Variants in ITGA11 observed in about 807,000 individuals in gnomAD.
ITGA11 encodes integrin alpha-11.
Under a neutral mutation model 141.9 loss-of-function variants are expected in ITGA11, and 97 were observed. The ratio of observed to expected loss-of-function variants is 0.68; its 90% CI spans 0.58 to 0.81. ITGA11 has a LOEUF of 0.81. Among genes scored for constraint, ITGA11 ranks in the 30% least tolerant of loss-of-function variants. The pLI, the probability that ITGA11 is intolerant of heterozygous loss-of-function variation, is 0.00. For synonymous variants in ITGA11, 658 were observed against 624.6 expected (o/e 1.05, Z -0.80); for missense variants, 1,387 against 1,559.2 (o/e 0.89, Z 1.86).
intron 2 of ITGA11, among the ~76,000 whole-genome samples, chr15:68,376,478 G>T (rs7183704): frequency 0.78 from 119,154 of 152,224 alleles, 47,048 homozygotes; most frequent in East Asian, 0.9. Context: ...GATCTTGCTG[G>T]TCAGGTGGGC....
chr15:68,346,857 A>G (rs557468057), intron 10 of ITGA11, among the ~76,000 whole-genome samples: 52 of 152,212 alleles, frequency 3.4e-4, no homozygotes, highest in African/African-American at 1.2e-3. Flanking sequence ...AGACATGTGC[A>G]TGTCTCCCCC....
chr15:68,367,169 G>T (rs1394937685), intron 3 of ITGA11, among the ~76,000 whole-genome samples: 2 of 152,098 alleles, frequency 1.3e-5, no homozygotes, highest in African/African-American at 4.8e-5. Context: ...GCTCAGAAAT[G>T]CTTTCCAGGG....
In ITGA11 at chr15:68,304,749, T is replaced by C. The variant is rs901745079; in HGVS notation, c.3382-864A>G. Among the ~76,000 whole-genome samples, 2 of 152,282 alleles carry C rather than the reference T, an allele frequency of 1.3e-5. No homozygotes were observed. Among genetic ancestry groups the C allele is most frequent in the East Asian group, 3.9e-4 (2 of 5,172 alleles). ...TCCAGCTCTTTCTCACCTAAGCAAA[T>C]GGCAGCACTATCCCTCCGCGCTGCT... On this transcript the variant is annotated intron_variant, in intron 28 of 29. Coordinates refer to ENST00000315757, the MANE Select transcript of ITGA11 (RefSeq NM_001004439.2). This position sits in a 1 kb window ranked among gnomAD's most constrained non-coding sequence, Gnocchi z 6.1.
At chr15:68,394,787 C>T (rs1445184962) in intron 2 of ITGA11, among the ~76,000 whole-genome samples, 2 of 151,952 alleles carry the variant, frequency 1.3e-5, no homozygotes, top group Non-Finnish European at 2.9e-5. Context: ...TAATAGGAGG[C>T]TAATATGAAT....
At chr15:68,386,569 T>C (rs1437630771) in intron 2 of ITGA11, among the ~76,000 whole-genome samples, 1 of 152,254 alleles carries the variant, frequency 6.6e-6, no homozygotes, top group South Asian at 2.1e-4. Context: ...GCTCCCTTTT[T>C]CCCAAGAGAA....
chr15:68,332,772 A>G lies in ITGA11; in HGVS notation c.1426-294T>C, dbSNP rs147016306. 5.9e-5 allele frequency among the ~76,000 whole-genome samples: 9 copies of G among 152,208 alleles called. No individual in the cohort carries two copies. In the East Asian group the frequency reaches 1.7e-3, roughly 29 times the overall value. On this transcript the variant is annotated intron_variant, in intron 12 of 29. Transcript: ENST00000315757. ...GGCCATTTATCTTGTGTGTAAAGTG[A>G]TATAATGGCAAAAAATCAGGAGACT...
chr15:68,420,023 G>C (rs1157410296), intron 1 of ITGA11, among the ~76,000 whole-genome samples: 2 of 152,160 alleles, frequency 1.3e-5, no homozygotes, highest in Non-Finnish European at 2.9e-5. Context: ...TGGGTTTCAT[G>C]TCATCTCCCA....
Position 68,302,108 on chromosome 15 carries a change from G to A in ITGA11, c.*951C>T, listed in dbSNP as rs1367698354. On this transcript the variant is annotated 3_prime_UTR_variant, in exon 30 of 30. Coordinates refer to ENST00000315757, the MANE Select transcript of ITGA11 (RefSeq NM_001004439.2). ...TGTGTGTGTGTGTGTGTGTGTGTGTGTGTGTGTAGGGAGGGGGTGATACAG... is the reference window on the plus strand; with the variant it reads ...TGTGTGTGTGTGTGTGTGTGTGTGTATGTGTGTAGGGAGGGGGTGATACAG... 6.7e-6 allele frequency: 1 copy of A among 148,998 alleles called. No individual in the cohort carries two copies. The highest frequency in any genetic ancestry group is 6.8e-5 in the Admixed American group (1 of 14,732). 9.2% of individuals were successfully genotyped at this position (148,998 alleles called of 1,614,324 possible). A position where few individuals can be genotyped will look rare whatever the true frequency, so the allele number is the denominator to read the frequency against.
intron 1 of ITGA11, among the ~76,000 whole-genome samples, chr15:68,415,541 A>G (rs182858885): frequency 6.6e-6 from 1 of 152,272 alleles, no homozygotes; most frequent in East Asian, 1.9e-4. Flanking sequence ...CTCATTTGGG[A>G]AACAGCACGT....
At chr15:68,316,712 C>A (rs368495231) in intron 21 of ITGA11, among the ~76,000 whole-genome samples, 113 of 152,354 alleles carry the variant, frequency 7.4e-4, no homozygotes, top group African/African-American at 2.6e-3. Context: ...TTCCCAAGTC[C>A]ACGCAGCTTG....
rs764938527 is a variant in ITGA11 at position 68,320,346 on chromosome 15, C to T, written c.2455G>A (p.Ala819Thr). Residue 819 changes from alanine to threonine, a missense_variant, in exon 20 of 30, where the codon GCA becomes ACA. Physicochemically the swap from Ala to Thr is moderately conservative, Grantham distance 58. Coordinates refer to ENST00000315757, the MANE Select transcript of ITGA11 (RefSeq NM_001004439.2). ...GTGGTGTCGAAGGACAGCGTGTATGCGGAGCAGTCCTGCGCAGGCTTCCTC... is the reference window on the plus strand; with the variant it reads ...GTGGTGTCGAAGGACAGCGTGTATGTGGAGCAGTCCTGCGCAGGCTTCCTC... Reference protein sequence around the residue: ...VLRKPAQDCSAYTLSFDTTVF... With the variant: ...VLRKPAQDCSTYTLSFDTTVF... 44 of 1,610,942 alleles carry T rather than the reference C, an allele frequency of 2.7e-5. 1 individual carries two copies. The South Asian group carries it at 3.1e-4, about 11-fold the overall frequency.
intron 20 of ITGA11, among the ~76,000 whole-genome samples, 151 bp from the exon 21 acceptor site, chr15:68,317,514 T>C (rs917244368): frequency 3.9e-5 from 6 of 151,930 alleles, no homozygotes; most frequent in African/African-American, 1.5e-4. Context: ...GCCCTTCTGA[T>C]GTCTGAGACC....
chr15:68,342,997 TTCTCTCTCTC>T (rs6145615), intron 10 of ITGA11, among the ~76,000 whole-genome samples: 1,968 of 143,986 alleles, frequency 0.014, 22 homozygotes, highest in South Asian at 0.03. Context: ...GGGCAAGTTC[TTCTCTCTCTC>T]TCTCTCTCTC....
At chr15:68,393,129 C>G (rs1035388982) in intron 2 of ITGA11, among the ~76,000 whole-genome samples, 1 of 152,040 alleles carries the variant, frequency 6.6e-6, no homozygotes, top group African/African-American at 2.4e-5. Flanking sequence ...ACAATGGATA[C>G]AGCAGAAAGC....
In ITGA11 at chr15:68,300,341, G is replaced by T. The variant is rs999574160; in HGVS notation, c.*2718C>A. 2 of 152,196 alleles carry T rather than the reference G, an allele frequency of 1.3e-5. No individual in the cohort carries two copies. Among genetic ancestry groups the T allele is most frequent in the African/African-American group, 2.4e-5 (1 of 41,452 alleles). 9.4% of individuals were successfully genotyped at this position (152,196 alleles called of 1,614,324 possible). ...TTACAGCCTGGATATTCACTTACCT[G>T]TTGATTGCAACTCTCAGCCATTAGA... On this transcript the variant is annotated 3_prime_UTR_variant, in exon 30 of 30. Coordinates refer to ENST00000315757, the MANE Select transcript of ITGA11 (RefSeq NM_001004439.2).
intron 10 of ITGA11, 110 bp downstream of exon 10, chr15:68,348,720 G>A: frequency 1.1e-6 from 1 of 931,140 alleles, no homozygotes. Context: ...GTGAGGAGAA[G>A]AGCCAACCCA....
chr15:68,328,408 A>G lies in ITGA11; in HGVS notation c.1902-146T>C. On this transcript the variant is annotated intron_variant, in intron 15 of 29. Transcript: ENST00000315757. This position sits in a 1 kb window ranked among gnomAD's most constrained non-coding sequence, Gnocchi z 4.8. ...GTGGAGGATGGAGGGGGCGAGGTGG[A>G]GGATGGAGGGGGCTTCGGATGTCAA... The G allele has an allele frequency of 2.1e-5, 10 of 477,278 alleles. No individual in the cohort carries two copies. The highest frequency in any genetic ancestry group is 8.1e-5 in the East Asian group (2 of 24,564). 29.6% of individuals were successfully genotyped at this position (477,278 alleles called of 1,614,324 possible).
intron 1 of ITGA11, among the ~76,000 whole-genome samples, chr15:68,404,233 T>C (rs750392910): frequency 1.3e-5 from 2 of 152,124 alleles, no homozygotes; most frequent in Non-Finnish European, 2.9e-5. Flanking sequence ...GAGGTCCCAG[T>C]GGCCATGGGC....
chr15:68,313,880 G>A lies in ITGA11; in HGVS notation c.2793-12C>T. ...GCTCATTACTGTCACTGCAAGGAGA[G>A]CCAGGCGGCAAGGTCAGGAAGGGGC... On this transcript the variant is annotated splice_polypyrimidine_tract_variant and intron_variant, in intron 22 of 29. Coordinates refer to ENST00000315757, the MANE Select transcript of ITGA11 (RefSeq NM_001004439.2). 6.2e-7 allele frequency: 1 copy of A among 1,612,190 alleles called. No individual in the cohort carries two copies. The highest frequency in any genetic ancestry group is 8.5e-7 in the Non-Finnish European group (1 of 1,178,298).
Sources: gnomAD v4.1 joint callset for allele counts (sites outside exome capture counted in the v4.1 genomes callset) on GRCh38, gnomAD v4.1.1 for gene constraint, Gnocchi (gnomAD v3.1) non-coding constraint, MANE v1.5 for transcripts, NCBI Gene and HGNC (gene_info 2026-07-23, HGNC 2026-07-21) for gene names.